Variants in HSPB7 observed in about 807,000 individuals in gnomAD.
HSPB7 encodes heat shock protein beta-7.
HSPB7 carries 9 observed loss-of-function variants against 11.0 expected under a neutral mutation model. The observed-to-expected ratio is 0.82, with a 90% CI of 0.49 to 1.43. The LOEUF (loss-of-function observed/expected upper bound fraction) is 1.43. HSPB7 is among the 40% of genes most tolerant of loss of function. HSPB7 has a pLI of 0.00. For missense variants in HSPB7, 246 were observed against 243.9 expected, an observed-to-expected ratio of 1.01 and a Z score of -0.06; for synonymous variants, 102 against 101.6, an observed-to-expected ratio of 1.00 and a Z score of -0.02.
chr1:16,019,518 C>T (rs2148847185), upstream of HSPB7: 1 of 1,506,134 alleles, frequency 6.6e-7, no homozygotes, highest in Non-Finnish European at 8.9e-7. Context: ...GTCTGAGCCC[C>T]CTACAACCCA....
chr1:16,019,007 G>T, upstream of HSPB7: 1 of 997,706 alleles, frequency 1.0e-6, no homozygotes, highest in South Asian at 1.7e-5. Flanking sequence ...GAACCTAGAT[G>T]TGTTGGACCC....
intron 2 of HSPB7, 26 bp downstream of exon 2, chr1:16,017,048 C>CG: frequency 6.3e-7 from 1 of 1,591,108 alleles, no homozygotes; most frequent in Non-Finnish European, 8.6e-7. Flanking sequence ...ATTTGGGATG[C>CG]GGTGAGTAGG....
Position 16,015,461 on chromosome 1 carries a change from C to T in HSPB7, c.*119G>A. 1 of 946,654 alleles carries T rather than the reference C, an allele frequency of 1.1e-6. No individual in the cohort carries two copies. Among genetic ancestry groups the T allele is most frequent in the Non-Finnish European group, 1.6e-6 (1 of 618,232 alleles). The allele number at this position is 946,654 out of a possible 1,614,324, so 58.6% of individuals were successfully genotyped here. On this transcript the variant is annotated 3_prime_UTR_variant, in exon 3 of 3. Coordinates refer to ENST00000311890, the MANE Select transcript of HSPB7 (RefSeq NM_014424.5). This position sits in a 1 kb window ranked among gnomAD's most constrained non-coding sequence, Gnocchi z 4.9. ...TTTGGGAGGATGGTCCACCTGGGGTCTGGGGTGCGTGGGGGCTAGAACCTG... is the reference window on the plus strand; with the variant it reads ...TTTGGGAGGATGGTCCACCTGGGGTTTGGGGTGCGTGGGGGCTAGAACCTG...
At chr1:16,016,802 C>T (rs1763597) in intron 2 of HSPB7, among the ~76,000 whole-genome samples, 93,142 of 151,692 alleles carry the variant, frequency 0.61, 29,094 homozygotes, top group East Asian at 0.77. Context: ...CCTCTGCCCA[C>T]ATCCCTCCAT....
chr1:16,018,016 G>A lies in HSPB7; in HGVS notation c.-53C>T, dbSNP rs759774050. 1 of 1,611,632 alleles carries A rather than the reference G, an allele frequency of 6.2e-7. No homozygotes were observed. Among genetic ancestry groups the A allele is most frequent in the East Asian group, 2.2e-5 (1 of 44,834 alleles). On this transcript the variant is annotated 5_prime_UTR_variant, in exon 1 of 3. Transcript: ENST00000311890. ...GCGGGCGAGGGCTGGACAGGAGAGG[G>A]TGTGGGCGCAGGCCTCTGGGCGAGC...
In HSPB7 at chr1:16,017,084, C is replaced by T. The variant is rs1177830268; in HGVS notation, c.323G>A (p.Arg108Gln). ...GGGTGGGGGGCTCACCTTCTCAGCC[C>T]GCACCTCGATGTGGTTGTTGGAGGT... Reference protein sequence around the residue: ...VTTSNNHIEVRAEKLAADGTV... With the variant: ...VTTSNNHIEVQAEKLAADGTV... The change falls in exon 2 of 3, where the codon CGG becomes CAG. Residue 108 changes from arginine (R) to glutamine (Q), a missense_variant. Transcript: ENST00000311890. 5.0e-6 allele frequency: 8 copies of T among 1,608,944 alleles called. No individual in the cohort carries two copies. Among genetic ancestry groups the T allele is most frequent in the South Asian group, 4.4e-5 (4 of 90,892 alleles).
In HSPB7 at chr1:16,017,195, C is replaced by T. The variant is rs1283886646; in HGVS notation, c.212G>A (p.Gly71Glu). ...EPLAFPARPG[G>E]AGNIKTLGDA... ...TCCTAGGGTCTTGATGTTGCCTGCC[C>T]CACCGGGGCGGGCTGTGGGATGGGC... is the stretch of plus-strand genomic sequence containing the variant. The change falls in exon 2 of 3, where the codon GGG becomes GAG. Residue 71 changes from glycine (G) to glutamate (E), a missense_variant. By Grantham distance (98) the Gly-to-Glu change is moderately conservative. Coordinates refer to ENST00000311890, the MANE Select transcript of HSPB7 (RefSeq NM_014424.5). 7 of 1,613,148 alleles carry T rather than the reference C, an allele frequency of 4.3e-6. No homozygotes were observed. The East Asian group carries it at 1.1e-4, about 26-fold the overall frequency.
chr1:16,017,115 CAAT>C lies in HSPB7; in HGVS notation c.289_291del (p.Ile97del). The C allele has an allele frequency of 1.2e-6, 2 of 1,612,974 alleles. No homozygotes were observed. The highest frequency in any genetic ancestry group is 1.7e-6 in the Non-Finnish European group (2 of 1,179,108). On this transcript the variant is annotated inframe_deletion, in exon 2 of 3. Transcript: ENST00000311890. ...TCGATGTGGTTGTTGGAGGTGGTGA[CAAT>C]GATGTCTTCAGGTGAGAAGTCTCTC...
In HSPB7 at chr1:16,017,804, T is replaced by C; in HGVS notation, c.160A>G (p.Ser54Gly). The C allele has an allele frequency of 6.8e-6, 11 of 1,612,906 alleles. No homozygotes were observed. Among genetic ancestry groups the C allele is most frequent in the Non-Finnish European group, 8.5e-6 (10 of 1,179,512 alleles). The change falls in exon 1 of 3, where the codon AGC becomes GGC. Residue 54 changes from serine (S) to glycine (G), a missense_variant. Coordinates refer to ENST00000311890, the MANE Select transcript of HSPB7 (RefSeq NM_014424.5). Reference sequence around the variant, plus strand: ...GGCTCCGAGTGGGGCCGCATGAAGCTGCCAAAGTCATCGGAAAACATGCTC... The same window carrying C: ...GGCTCCGAGTGGGGCCGCATGAAGCCGCCAAAGTCATCGGAAAACATGCTC... ...ALSMFSDDFGSFMRPHSEPLA... is the reference protein window; with the variant it reads ...ALSMFSDDFGGFMRPHSEPLA...
upstream of HSPB7, chr1:16,019,096 C>T: frequency 6.7e-7 from 1 of 1,495,760 alleles, no homozygotes; most frequent in Non-Finnish European, 9.0e-7. Context: ...AGAAGCCCCT[C>T]CCTACCCACC....
At position 16,015,677 on chromosome 1, in the gene HSPB7, G is replaced by T. The variant is rs2021659550; in HGVS notation, c.416C>A (p.Ser139Ter). ...GAGGCTGCCGTCCTCCCGCAGAGCC[G>T]AGGTCACCGACGTCGGGTCCACGTC... is the stretch of plus-strand genomic sequence containing the variant. Reference protein sequence around the residue: ...PEDVDPTSVTSALREDGSLTI... With the variant: ...PEDVDPTSVT The change falls in exon 3 of 3, where the codon TCG becomes TAG. Residue 139 changes from serine to a stop codon, truncating the protein, a stop_gained. Transcript: ENST00000311890. LOFTEE classifies it high-confidence loss of function. The surrounding 1 kb of genome is among the most constrained non-coding windows in gnomAD (Gnocchi z 4.9). 2 of 1,613,508 alleles carry T rather than the reference G, an allele frequency of 1.2e-6. No individual in the cohort carries two copies. Among genetic ancestry groups the T allele is most frequent in the Non-Finnish European group, 1.7e-6 (2 of 1,179,770 alleles).
chr1:16,019,190 C>T (rs1304548348), upstream of HSPB7: 1 of 1,550,458 alleles, frequency 6.4e-7, no homozygotes, highest in African/African-American at 1.4e-5. Context: ...CTCTGCTCTG[C>T]CCAGGTTGCA....
At chr1:16,017,675 G>A (rs995546704) in intron 1 of HSPB7, 90 bp downstream of exon 1, 16 of 1,125,470 alleles carry the variant, frequency 1.4e-5, no homozygotes, top group East Asian at 7.7e-5. Flanking sequence ...GTTCCAGGCC[G>A]ACCGGCAGCC....
chr1:16,015,803 T>G lies in HSPB7; in HGVS notation c.334-44A>C. ...GTCAGGCAGGCTGCCCCGACCCCTG[T>G]CCTGCTTGTGACAAGCCAGAGCCCT... is the stretch of plus-strand genomic sequence containing the variant. On this transcript the variant is annotated intron_variant, in intron 2 of 2. Coordinates refer to ENST00000311890, the MANE Select transcript of HSPB7 (RefSeq NM_014424.5). The surrounding 1 kb of genome is among the most constrained non-coding windows in gnomAD (Gnocchi z 4.9). 1 of 1,521,180 alleles carries G rather than the reference T, an allele frequency of 6.6e-7. No individual in the cohort carries two copies. The highest frequency in any genetic ancestry group is 1.2e-5 in the South Asian group (1 of 80,410). The allele number at this position is 1,521,180 out of a possible 1,614,324, so 94.2% of individuals were successfully genotyped here. A position where few individuals can be genotyped will look rare whatever the true frequency, so the allele number is the denominator to read the frequency against.
Position 16,017,969 on chromosome 1 carries a change from G to C in HSPB7, c.-6C>G. 1 of 1,612,978 alleles carries C rather than the reference G, an allele frequency of 6.2e-7. No homozygotes were observed. Among genetic ancestry groups the C allele is most frequent in the Non-Finnish European group, 8.5e-7 (1 of 1,179,754 alleles). On this transcript the variant is annotated 5_prime_UTR_variant, in exon 1 of 3. Coordinates refer to ENST00000311890, the MANE Select transcript of HSPB7 (RefSeq NM_014424.5). The stretch of plus-strand genomic sequence containing the variant: ...GAAGAGGTTCTGTGGCTCATCCACG[G>C]ACGGCGCCGGGCCCTGCCCAGGCGG...
In HSPB7 at chr1:16,015,457, G is replaced by C; in HGVS notation, c.*123C>G. The C allele has an allele frequency of 1.1e-6, 1 of 882,658 alleles. No individual in the cohort carries two copies. The highest frequency in any genetic ancestry group is 2.7e-5 in the East Asian group (1 of 37,484). The allele number at this position is 882,658 out of a possible 1,614,324, so 54.7% of individuals were successfully genotyped here. A position where few individuals can be genotyped will look rare whatever the true frequency, so the allele number is the denominator to read the frequency against. ...CTAGTTTGGGAGGATGGTCCACCTGGGGTCTGGGGTGCGTGGGGGCTAGAA... is the reference window on the plus strand; with the variant it reads ...CTAGTTTGGGAGGATGGTCCACCTGCGGTCTGGGGTGCGTGGGGGCTAGAA... On this transcript the variant is annotated 3_prime_UTR_variant, in exon 3 of 3. Transcript: ENST00000311890. The surrounding 1 kb of genome is among the most constrained non-coding windows in gnomAD (Gnocchi z 4.9).
At chr1:16,018,193 C>A (rs781760240), upstream of HSPB7, 3 of 1,508,416 alleles carry the variant, frequency 2.0e-6, no homozygotes, top group Middle Eastern at 2.1e-4. Flanking sequence ...CAGCCCGACA[C>A]GCAGGCCGAG....
rs2021869167 is a variant in HSPB7, at chr1:16,017,829, C to T, written c.135G>A (p.Leu45=). The change falls in exon 1 of 3, where the codon CTG becomes CTA. Residue 45 remains leucine, a synonymous_variant. Transcript: ENST00000311890. ...PAQDPPMEKA[L]SMFSDDFGSF... is the part of the protein sequence containing the mutation. ...TGCCAAAGTCATCGGAAAACATGCT[C>T]AGGGCCTTCTCCATGGGCGGGTCCT... The T allele has an allele frequency of 6.2e-7, 1 of 1,613,752 alleles. No individual in the cohort carries two copies. The highest frequency in any genetic ancestry group is 8.5e-7 in the Non-Finnish European group (1 of 1,179,852).
Position 16,017,895 on chromosome 1 carries a change from G to T in HSPB7, c.69C>A (p.Ser23=), listed in dbSNP as rs966119866. The T allele has an allele frequency of 6.2e-7, 1 of 1,613,158 alleles. No individual in the cohort carries two copies. The highest frequency in any genetic ancestry group is 1.3e-5 in the African/African-American group (1 of 74,926). Residue 23 remains serine (S), a synonymous_variant, in exon 1 of 3, where the codon TCC becomes TCA. Transcript: ENST00000311890. ...RSFHSSSSSS[S]SSTSSSASRA... ...GGGAGGCCGAGGAGGAGGTGGAAGAGGAGGAGGAAGAGGAAGAGGAATGGA... is the reference window on the plus strand; with the variant it reads ...GGGAGGCCGAGGAGGAGGTGGAAGATGAGGAGGAAGAGGAAGAGGAATGGA...
Sources: gnomAD v4.1 joint callset for allele counts (sites outside exome capture counted in the v4.1 genomes callset) on GRCh38, gnomAD v4.1.1 for gene constraint, Gnocchi (gnomAD v3.1) non-coding constraint, MANE v1.5 for transcripts, NCBI Gene and HGNC (gene_info 2026-07-23, HGNC 2026-07-21) for gene names.